Variants in PCLO observed in about 807,000 individuals in gnomAD.
The protein encoded by PCLO is piccolo presynaptic cytomatrix protein.
PCLO carries 82 observed loss-of-function variants against 427.5 expected under a neutral mutation model. The observed-to-expected ratio is 0.19, with a 90% CI of 0.16 to 0.23. The LOEUF is 0.23. Ranked by LOEUF, PCLO falls within the 10% of genes least tolerant of loss-of-function variation. The pLI is 1.00. For synonymous variants in PCLO, 2,357 were observed against 2,155.4 expected (o/e 1.09, Z -2.59); for missense variants, 6,239 against 6,115.9 (o/e 1.02, Z -0.67).
intron 3 of PCLO, among the ~76,000 whole-genome samples, chr7:83,004,032 TGTATGCTCATAATTTC>T (rs759018920): frequency 1.8e-4 from 27 of 151,768 alleles, no homozygotes; most frequent in Non-Finnish European, 3.7e-4. Context: ...TCCTCTTATT[TGTATGCTCATAATTTC>T]TACGAAGTCA....
chr7:82,786,555 C>A (rs1390747360), intron 22 of PCLO, among the ~76,000 whole-genome samples: 1 of 152,002 alleles, frequency 6.6e-6, no homozygotes, highest in African/African-American at 2.4e-5. Context: ...TCGTATTTTG[C>A]AAAATGAATA....
At chr7:82,848,309 T>G (rs1216097371) in intron 10 of PCLO, among the ~76,000 whole-genome samples, 3 of 138,868 alleles carry the variant, frequency 2.2e-5, no homozygotes, top group Non-Finnish European at 4.8e-5. Flanking sequence ...AGTTAGTTTT[T>G]TTTTTTTTTT....
At chr7:83,058,522 C>G (rs1455626437) in intron 3 of PCLO, among the ~76,000 whole-genome samples, 1 of 152,152 alleles carries the variant, frequency 6.6e-6, no homozygotes, top group African/African-American at 2.4e-5. Context: ...TGCAATATAA[C>G]TACCATATAT....
At chr7:83,062,813 C>T (rs1413886758) in intron 3 of PCLO, among the ~76,000 whole-genome samples, 1 of 152,020 alleles carries the variant, frequency 6.6e-6, no homozygotes, top group African/African-American at 2.4e-5. Context: ...ATTGTGATAC[C>T]CATCACACAA....
intron 22 of PCLO, among the ~76,000 whole-genome samples, chr7:82,800,153 G>A (rs1261845053): frequency 3.9e-5 from 6 of 152,164 alleles, no homozygotes; most frequent in Admixed American, 2.6e-4. Flanking sequence ...TTTTGAAGGC[G>A]TCCAAAGATT....
rs113463190 is a variant in PCLO, at chr7:82,984,422, G to A, written c.3301-17935C>T. On this transcript the variant is annotated intron_variant, in intron 3 of 24. Coordinates refer to ENST00000333891, the MANE Select transcript of PCLO (RefSeq NM_033026.6). ...AAATGTGGTGTCTGTGTGTGTGTGT[G>A]TGTGTGTGTGTGTGTGTGTGTGTGT... Among the ~76,000 whole-genome samples the A allele has an allele frequency of 6.4e-5, 9 of 141,538 alleles. 1 individual carries two copies. The highest frequency in any genetic ancestry group is 2.8e-4 in the African/African-American group (9 of 32,326). 92.9% of individuals were successfully genotyped at this position (141,538 alleles called of 152,430 possible).
At chr7:82,865,132 T>G (rs1793060887) in intron 10 of PCLO, among the ~76,000 whole-genome samples, 1 of 151,996 alleles carries the variant, frequency 6.6e-6, no homozygotes, top group South Asian at 2.1e-4. Context: ...CTGCCTTTTG[T>G]CCTACTGAGA....
intron 6 of PCLO, among the ~76,000 whole-genome samples, chr7:82,937,224 C>T (rs1794975593): frequency 6.6e-6 from 1 of 151,514 alleles, no homozygotes; most frequent in African/African-American, 2.4e-5. Flanking sequence ...GAGACATAAA[C>T]AAAACCTATT....
intron 22 of PCLO, among the ~76,000 whole-genome samples, chr7:82,789,886 C>T (rs1259305418): frequency 6.6e-6 from 1 of 152,152 alleles, no homozygotes; most frequent in Non-Finnish European, 1.5e-5. Flanking sequence ...TCAGTTTTTA[C>T]ATTGCCCTCT....
intron 3 of PCLO, among the ~76,000 whole-genome samples, chr7:83,100,203 CTGT>C (rs1298687712): frequency 6.6e-6 from 1 of 152,142 alleles, no homozygotes; most frequent in Admixed American, 6.6e-5. Context: ...CACTTATACA[CTGT>C]TGTTGTGAGT....
At chr7:82,881,755 C>T (rs577910608) in intron 9 of PCLO, among the ~76,000 whole-genome samples, 18 of 152,218 alleles carry the variant, frequency 1.2e-4, no homozygotes, top group African/African-American at 4.3e-4. Context: ...GGGATCCTCC[C>T]ACCTTAGCCT....
At chr7:82,996,358 G>T (rs1787613385) in intron 3 of PCLO, among the ~76,000 whole-genome samples, 1 of 151,826 alleles carries the variant, frequency 6.6e-6, no homozygotes, top group Non-Finnish European at 1.5e-5. Context: ...TTTATTGGGA[G>T]CTTGAAAGTC....
intron 22 of PCLO, among the ~76,000 whole-genome samples, chr7:82,791,972 T>A (rs183557963): frequency 2.1e-4 from 32 of 152,158 alleles, no homozygotes; most frequent in African/African-American, 7.5e-4. Context: ...AAACTTTCAG[T>A]GAACTGGAAA....
chr7:82,846,605 T>C lies in PCLO; in HGVS notation c.13793A>G (p.Asn4598Ser). 6.2e-7 allele frequency: 1 copy of C among 1,608,904 alleles called. No homozygotes were observed. Among genetic ancestry groups the C allele is most frequent in the Non-Finnish European group, 8.5e-7 (1 of 1,177,166 alleles). Residue 4598 changes from asparagine to serine, a missense_variant, in exon 12 of 25, where the codon AAT (asparagine) becomes AGT (serine). Physicochemically the swap from Asn to Ser is conservative, Grantham distance 46. Coordinates refer to ENST00000333891, the MANE Select transcript of PCLO (RefSeq NM_033026.6). Reference sequence around the variant, plus strand: ...CTCATGAAGTTCCAGATGCTGGGAATTTTCAGAATCTGATAGCATATTGAG... The same window carrying C: ...CTCATGAAGTTCCAGATGCTGGGAACTTTCAGAATCTGATAGCATATTGAG... ...LDLNMLSDSE[N>S]SQHLELHEPP...
intron 3 of PCLO, among the ~76,000 whole-genome samples, chr7:83,117,164 A>G (rs1294633225): frequency 6.6e-6 from 1 of 152,124 alleles, no homozygotes; most frequent in Non-Finnish European, 1.5e-5. Flanking sequence ...ACTAGCCCAA[A>G]CCTTAGGCAT....
chr7:82,786,382 T>C (rs1790983802), intron 22 of PCLO, among the ~76,000 whole-genome samples: 2 of 152,308 alleles, frequency 1.3e-5, no homozygotes, highest in African/African-American at 4.8e-5. Flanking sequence ...ACCAATAAAT[T>C]TGCATATTTA....
Position 82,879,354 on chromosome 7 carries a change from G to A in PCLO, c.13637C>T (p.Thr4546Met), listed in dbSNP as rs576824740. 2.4e-5 allele frequency: 38 copies of A among 1,610,594 alleles called. 1 individual carries two copies. Among genetic ancestry groups the A allele is most frequent in the Middle Eastern group, 3.3e-4 (2 of 6,048 alleles). Residue 4546 changes from threonine to methionine, a missense_variant, in exon 10 of 25, where the codon ACG becomes ATG. Physicochemically the swap from Thr to Met is moderately conservative, Grantham distance 81. This residue lies in a region of PCLO where 877 missense variants were observed against 925.5 expected (regional missense o/e 0.95). Coordinates refer to ENST00000333891, the MANE Select transcript of PCLO (RefSeq NM_033026.6). ...ATTCTTACCTTCCATAAGCTTCCCC[G>A]TCTGTTCCGCACTTCCCCCAGGAAG... Reference protein sequence around the residue: ...KILPGGSAEQTGKLMEGMQVL... With the variant: ...KILPGGSAEQMGKLMEGMQVL...
intron 3 of PCLO, among the ~76,000 whole-genome samples, chr7:83,013,774 G>A (rs1460493376): frequency 2.6e-5 from 4 of 152,188 alleles, no homozygotes; most frequent in Admixed American, 2.6e-4. Context: ...TGGAACGTTT[G>A]TGTGAATAAA....
At chr7:83,126,588 T>A (rs529876925) in intron 3 of PCLO, among the ~76,000 whole-genome samples, 33 of 151,974 alleles carry the variant, frequency 2.2e-4, no homozygotes, top group African/African-American at 7.7e-4. Flanking sequence ...AATAAAAAAA[T>A]TCATATAAGA....
Sources: gnomAD v4.1 joint callset for allele counts (sites outside exome capture counted in the v4.1 genomes callset) on GRCh38, gnomAD v4.1.1 for gene constraint, gnomAD v4.1.1 regional missense constraint, MANE v1.5 for transcripts, NCBI Gene and HGNC (gene_info 2026-07-23, HGNC 2026-07-21) for gene names.